Variants in CSMD1 observed in about 807,000 individuals in gnomAD.
CSMD1 encodes CUB and Sushi multiple domains 1.
A neutral mutation model predicts 417.5 loss-of-function variants in CSMD1; 213 were observed. The observed-to-expected ratio is 0.51, with a 90% CI of 0.46 to 0.57. The LOEUF is 0.57. Among genes scored for constraint, CSMD1 ranks in the 20% least tolerant of loss-of-function variants. The pLI is 0.00. For synonymous variants in CSMD1, 2,862 were observed against 1,736.8 expected, an observed-to-expected ratio of 1.65 and a Z score of -16.11; for missense variants, 6,923 against 4,529.7, an observed-to-expected ratio of 1.53 and a Z score of -15.17.
intron 1 of CSMD1, among the ~76,000 whole-genome samples, chr8:4,695,628 C>T (rs778440659): frequency 2.8e-4 from 42 of 152,200 alleles, no homozygotes; most frequent in Middle Eastern, 3.4e-3. Flanking sequence ...TCTCAACATA[C>T]GCCACCAAAG....
intron 1 of CSMD1, among the ~76,000 whole-genome samples, chr8:4,775,825 G>A (rs957420700): frequency 6.6e-6 from 1 of 152,068 alleles, no homozygotes; most frequent in South Asian, 2.1e-4. Context: ...CAATCAGAAA[G>A]TTCCCCTTAA....
intron 25 of CSMD1, among the ~76,000 whole-genome samples, chr8:3,285,183 G>A (rs577361284): frequency 2.0e-5 from 3 of 151,982 alleles, no homozygotes; most frequent in South Asian, 2.1e-4. Context: ...CACAGTGGAC[G>A]ACAAACAAAA....
intron 1 of CSMD1, among the ~76,000 whole-genome samples, chr8:4,937,610 C>T (rs1031633480): frequency 6.6e-6 from 1 of 152,186 alleles, no homozygotes; most frequent in African/African-American, 2.4e-5. Context: ...AATACCTTGG[C>T]AGTGTCAGAG....
intron 23 of CSMD1, among the ~76,000 whole-genome samples, chr8:3,320,427 C>A (rs1273937870): frequency 3.3e-5 from 5 of 152,114 alleles, no homozygotes; most frequent in East Asian, 1.9e-4. Context: ...TATGAAAACA[C>A]GATAAGCTCC....
intron 2 of CSMD1, among the ~76,000 whole-genome samples, chr8:4,423,028 C>A (rs1004302826): frequency 6.6e-6 from 1 of 151,728 alleles, no homozygotes; most frequent in Non-Finnish European, 1.5e-5. Context: ...GAATCTTCTC[C>A]AACTTGACAA....
intron 3 of CSMD1, among the ~76,000 whole-genome samples, chr8:4,157,967 C>G (rs1796930015): frequency 1.3e-5 from 2 of 152,174 alleles, no homozygotes; most frequent in Non-Finnish European, 1.5e-5. Context: ...CAACGTATGC[C>G]GAGATTGGCC....
At chr8:4,390,969 T>A (rs968870074) in intron 3 of CSMD1, among the ~76,000 whole-genome samples, 1 of 152,172 alleles carries the variant, frequency 6.6e-6, no homozygotes, top group Non-Finnish European at 1.5e-5. Context: ...TTAAAACAGA[T>A]TCTGTAACTT....
chr8:3,256,323 A>AGGAG, intron 26 of CSMD1, among the ~76,000 whole-genome samples: 1 of 138,060 alleles, frequency 7.2e-6, no homozygotes, highest in East Asian at 2.1e-4. Context: ...AAAAAAAAAA[A>AGGAG]AAGAGAAGAA....
intron 1 of CSMD1, among the ~76,000 whole-genome samples, chr8:4,850,430 C>G (rs922988666): frequency 1.6e-5 from 1 of 63,862 alleles, no homozygotes; most frequent in African/African-American, 6.2e-5. Flanking sequence ...TAAAAAACAT[C>G]TTTACTCTTT....
chr8:4,045,831 C>G (rs557006694), intron 3 of CSMD1, among the ~76,000 whole-genome samples: 2 of 152,058 alleles, frequency 1.3e-5, no homozygotes, highest in Admixed American at 6.6e-5. Context: ...CTTCATCATC[C>G]CCTTTTTCTT....
At chr8:4,484,883 G>T (rs1164904140) in intron 2 of CSMD1, among the ~76,000 whole-genome samples, 2 of 150,534 alleles carry the variant, frequency 1.3e-5, no homozygotes, top group African/African-American at 4.9e-5. Flanking sequence ...TGAGGCGGGA[G>T]AATGGCGTGA....
In CSMD1 at chr8:4,242,430, T is replaced by G. The variant is rs116393201; in HGVS notation, c.415+177523A>C. Reference sequence around the variant, plus strand: ...AATGAGAAAAGGATAAAATGTATCATAATACTTCAAGCTATAATAGGACTA... The same window carrying G: ...AATGAGAAAAGGATAAAATGTATCAGAATACTTCAAGCTATAATAGGACTA... On this transcript the variant is annotated intron_variant, in intron 3 of 69. Transcript: ENST00000635120. 1.7e-3 allele frequency among the ~76,000 whole-genome samples: 258 copies of G among 152,298 alleles called. 1 individual carries two copies. The highest frequency in any genetic ancestry group is 5.8e-3 in the African/African-American group (243 of 41,564).
intron 42 of CSMD1, among the ~76,000 whole-genome samples, chr8:3,112,514 C>G (rs1370946279): frequency 1.3e-5 from 2 of 152,120 alleles, no homozygotes. Context: ...CACTGAATAC[C>G]TCTATAACAT....
chr8:4,876,859 A>T (rs1244092029), intron 1 of CSMD1, among the ~76,000 whole-genome samples: 1 of 152,098 alleles, frequency 6.6e-6, no homozygotes, highest in Non-Finnish European at 1.5e-5. Flanking sequence ...TTTTCACAAC[A>T]TTGTAGGTAA....
rs190175802 is a variant in CSMD1, at chr8:3,959,209, T to C, written c.818+38694A>G. On this transcript the variant is annotated intron_variant, in intron 5 of 69. Coordinates refer to ENST00000635120, the MANE Select transcript of CSMD1 (RefSeq NM_033225.6). ...TAAAAACTGACTTAAAAAATTCTTA[T>C]AGTTTCTAGACAGAGCAGGGTGGGA... Among the ~76,000 whole-genome samples, 230 of 152,316 alleles carry C rather than the reference T, an allele frequency of 1.5e-3. 1 individual carries two copies. Among genetic ancestry groups the C allele is most frequent in the African/African-American group, 4.9e-3 (203 of 41,578 alleles).
chr8:3,351,609 A>G (rs1808427641), intron 21 of CSMD1, among the ~76,000 whole-genome samples: 4 of 150,644 alleles, frequency 2.7e-5, no homozygotes, highest in Admixed American at 2.7e-4. Context: ...AAAAAAAAAA[A>G]AAAAGAAAAG....
chr8:4,873,277 C>G (rs984368508), intron 1 of CSMD1, among the ~76,000 whole-genome samples: 3 of 152,080 alleles, frequency 2.0e-5, no homozygotes, highest in African/African-American at 2.4e-5. Context: ...CTCTTAAAAA[C>G]TATCTAAAAA....
At chr8:4,153,561 A>G (rs1488223953) in intron 3 of CSMD1, among the ~76,000 whole-genome samples, 2 of 152,174 alleles carry the variant, frequency 1.3e-5, no homozygotes, top group Non-Finnish European at 2.9e-5. Flanking sequence ...CCTCCACGCA[A>G]TCATGGGAAA....
In CSMD1 at chr8:4,083,638, A is replaced by C. The variant is rs565811285; in HGVS notation, c.416-51539T>G. ...GGTGCTGGGAAAACTGGCTAGCCAT[A>C]TGTAGAAAGCTGAAACTGGATCCCT... On this transcript the variant is annotated intron_variant, in intron 3 of 69. Transcript: ENST00000635120. 7.3e-3 allele frequency among the ~76,000 whole-genome samples: 1,115 copies of C among 152,292 alleles called. 14 individuals carry two copies. Among genetic ancestry groups the C allele is most frequent in the African/African-American group, 0.026 (1,073 of 41,560 alleles).
Sources: gnomAD v4.1 joint callset for allele counts (sites outside exome capture counted in the v4.1 genomes callset) on GRCh38, gnomAD v4.1.1 for gene constraint, MANE v1.5 for transcripts, NCBI Gene and HGNC (gene_info 2026-07-23, HGNC 2026-07-21) for gene names.